Variants in OPRM1 observed in about 807,000 individuals in gnomAD.
OPRM1 encodes mu-type opioid receptor.
Under a neutral mutation model 31.8 loss-of-function variants are expected in OPRM1, and 27 were observed. That is an observed-to-expected ratio of 0.85 (90% CI 0.63 to 1.17). OPRM1 has a LOEUF of 1.17. Ranked by LOEUF, OPRM1 falls within the 50% of genes most tolerant of loss-of-function variation. OPRM1 has a pLI of 0.00. For synonymous variants in OPRM1, 196 were observed against 189.9 expected (o/e 1.03, Z -0.26); for missense variants, 536 against 511.1 (o/e 1.05, Z -0.47).
chr6:154,128,549 AC>A lies in OPRM1; in HGVS notation c.*9830del. ...TGCACATGCATATTAAAATATGGGC[AC>A]CTCTTTTAATTCTTTTTTTTCTCAT... On this transcript the variant is annotated 3_prime_UTR_variant, in exon 4 of 4. Coordinates refer to ENST00000330432, the MANE Select transcript of OPRM1 (RefSeq NM_000914.5). Among the ~76,000 whole-genome samples the A allele has an allele frequency of 6.6e-6, 1 of 152,148 alleles. No individual in the cohort carries two copies. The highest frequency in any genetic ancestry group is 2.4e-5 in the African/African-American group (1 of 41,432).
chr6:154,090,282 C>T (rs1791779752), intron 2 of OPRM1, 104 bp downstream of exon 2: 5 of 710,964 alleles, frequency 7.0e-6, no homozygotes, highest in Middle Eastern at 2.5e-4. Context: ...GTCTTAGTCA[C>T]ATTGTAATTT....
intron 3 of OPRM1, chr6:154,223,180 T>G: frequency 6.2e-7 from 1 of 1,613,598 alleles, no homozygotes; most frequent in East Asian, 2.2e-5. Context: ...TGCTTTTTCT[T>G]GCATTCAGAT....
At chr6:154,091,551 A>G (rs979890814) in intron 3 of OPRM1, 79 bp downstream of exon 3, 1 of 1,500,718 alleles carries the variant, frequency 6.7e-7, no homozygotes. Flanking sequence ...CTAGGAGTTT[A>G]ATCCATTATA....
chr6:154,091,787 G>A, intron 3 of OPRM1: 1 of 1,056,652 alleles, frequency 9.5e-7, no homozygotes, highest in Non-Finnish European at 1.1e-6. Context: ...TTCTGATCTA[G>A]AATCCTTTTC....
At chr6:154,079,855 C>T (rs764462016) in intron 1 of OPRM1, among the ~76,000 whole-genome samples, 6 of 152,048 alleles carry the variant, frequency 3.9e-5, no homozygotes, top group Admixed American at 2.0e-4. Flanking sequence ...GGATTACAGA[C>T]GTGAGCAACT....
At chr6:154,114,981 AATCTCTCTTGTAC>A in intron 3 of OPRM1, among the ~76,000 whole-genome samples, 1 of 152,306 alleles carries the variant, frequency 6.6e-6, no homozygotes. Context: ...CAATCAAAAA[AATCTCTCTTGTAC>A]ATCATGAACA....
intron 1 of OPRM1, among the ~76,000 whole-genome samples, chr6:154,048,777 C>T (rs1781643854): frequency 6.6e-6 from 1 of 152,116 alleles, no homozygotes. Flanking sequence ...CAAATACAAA[C>T]ACATACATGT....
At position 154,246,550 on chromosome 6, in the gene OPRM1, C is replaced by T. The variant is rs767066783; in HGVS notation, c.1165-143C>T. The T allele has an allele frequency of 5.7e-6, 9 of 1,577,014 alleles. No individual in the cohort carries two copies. The East Asian group carries it at 1.8e-4, about 31-fold the overall frequency. ...CACCTGATGCCTTTAACGTATCCCTCATTAAAACGGCTGGGAATAGGAGGA... is the reference window on the plus strand; with the variant it reads ...CACCTGATGCCTTTAACGTATCCCTTATTAAAACGGCTGGGAATAGGAGGA... On this transcript the variant is annotated intron_variant, in intron 3 of 3. Transcript: ENST00000337049.
chr6:154,066,471 T>A (rs1409617477), intron 1 of OPRM1, among the ~76,000 whole-genome samples: 1 of 152,146 alleles, frequency 6.6e-6, no homozygotes. Flanking sequence ...TATTACTTTG[T>A]ACTTTAGTCT....
At chr6:154,019,457 T>C (rs148703207) in intron 1 of OPRM1, among the ~76,000 whole-genome samples, 2,166 of 152,214 alleles carry the variant, frequency 0.014, 70 homozygotes, top group African/African-American at 0.049. Flanking sequence ...GTACATTCTA[T>C]GGGTTTTGAC....
At chr6:154,054,617 T>C (rs1562404913) in intron 1 of OPRM1, among the ~76,000 whole-genome samples, 1 of 152,218 alleles carries the variant, frequency 6.6e-6, no homozygotes, top group Non-Finnish European at 1.5e-5. Flanking sequence ...GGGTTATTTA[T>C]AGAACAAGTA....
At chr6:154,158,908 G>GT (rs911149934) in intron 3 of OPRM1, 2 of 151,516 alleles carry the variant, frequency 1.3e-5, no homozygotes, top group South Asian at 2.1e-4. Flanking sequence ...ATGGGTTTTT[G>GT]TTTTTTTGTT....
At chr6:154,241,576 G>A (rs1344911541) in intron 3 of OPRM1, among the ~76,000 whole-genome samples, 3 of 152,008 alleles carry the variant, frequency 2.0e-5, no homozygotes, top group Non-Finnish European at 4.4e-5. Flanking sequence ...AATTTTTTGT[G>A]TCTTATATCC....
chr6:154,071,472 C>G (rs1786707862), intron 1 of OPRM1, among the ~76,000 whole-genome samples: 2 of 152,096 alleles, frequency 1.3e-5, no homozygotes, highest in African/African-American at 2.4e-5. Flanking sequence ...CATCATGAAG[C>G]CTGATCCTCA....
rs571743750 is a variant in OPRM1, at chr6:154,106,003, T to C, written c.1165-12680T>C. 2.6e-5 allele frequency among the ~76,000 whole-genome samples: 4 copies of C among 152,336 alleles called. No individual in the cohort carries two copies. In the South Asian group the frequency reaches 8.3e-4, roughly 32 times the overall value. On this transcript the variant is annotated intron_variant, in intron 3 of 3. Transcript: ENST00000330432. ...GTGCTCTAGGAAAAAGCTATTGTGA[T>C]TTATTCCAATGTTTAATTTATGGAA...
chr6:154,059,032 A>G (rs1031344005), intron 1 of OPRM1, among the ~76,000 whole-genome samples: 1 of 152,210 alleles, frequency 6.6e-6, no homozygotes, highest in African/African-American at 2.4e-5. Flanking sequence ...GAGGTTTTCA[A>G]ACCAGTTATT....
Position 154,199,393 on chromosome 6 carries a change from G to A in OPRM1, c.1165-47300G>A, listed in dbSNP as rs1311297554. On this transcript the variant is annotated intron_variant, in intron 3 of 3. Coordinates refer to the OPRM1 transcript ENST00000337049. The stretch of plus-strand genomic sequence containing the variant: ...CAAAAAAGAGGCAAGTTTTTTCTCC[G>A]ATTGGTGGAAAAGTATCATTATTTT... 3.3e-5 allele frequency among the ~76,000 whole-genome samples: 5 copies of A among 152,334 alleles called. No individual in the cohort carries two copies. The South Asian group carries it at 6.2e-4, about 19-fold the overall frequency.
intron 3 of OPRM1, 110 bp downstream of exon 3, chr6:154,091,582 G>T (rs550934644): frequency 4.8e-6 from 7 of 1,451,720 alleles, no homozygotes; most frequent in Non-Finnish European, 3.6e-6. Context: ...ATGGAGGGAA[G>T]AGGGGAAGCA....
At chr6:154,093,535 A>G (rs1792799629) in intron 3 of OPRM1, 1 of 1,557,542 alleles carries the variant, frequency 6.4e-7, no homozygotes, top group South Asian at 1.2e-5. Flanking sequence ...GTACAGCCAG[A>G]TAGAAGAGAA....
Sources: allele counts gnomAD v4.1 joint callset (sites outside exome capture counted in the v4.1 genomes callset), GRCh38; gene constraint gnomAD v4.1.1; transcripts MANE v1.5; gene names NCBI Gene and HGNC (gene_info 2026-07-23, HGNC 2026-07-21).